SKAP2: variants seen among roughly 807,000 people sequenced by gnomAD.
SKAP2 encodes the protein src kinase associated phosphoprotein 2, also known as src kinase-associated phosphoprotein 2.
In SKAP2, 28 loss-of-function variants were observed where a neutral mutation model predicts 54.9. The observed-to-expected ratio is 0.51, with a 90% CI of 0.38 to 0.70. The LOEUF is 0.70. Among genes scored for constraint, SKAP2 ranks in the 30% least tolerant of loss-of-function variants. The pLI is 0.00. For missense variants in SKAP2, 356 were observed against 424.1 expected (o/e 0.84, Z 1.41); for synonymous variants, 137 against 134.3 (o/e 1.02, Z -0.14).
At chr7:26,706,455 T>G (rs1787157118) in intron 9 of SKAP2, among the ~76,000 whole-genome samples, 1 of 152,176 alleles carries the variant, frequency 6.6e-6, no homozygotes, top group Non-Finnish European at 1.5e-5. Flanking sequence ...GAGTAAAATC[T>G]ATATCCTACT....
chr7:26,860,801 T>TG (rs1427223035), intron 1 of SKAP2, among the ~76,000 whole-genome samples: 1 of 1,026 alleles, frequency 9.7e-4, no homozygotes, highest in Non-Finnish European at 2.1e-3. Flanking sequence ...AGGGGACTGA[T>TG]TACATACCCT....
At chr7:26,701,828 T>C (rs1333254446) in intron 9 of SKAP2, among the ~76,000 whole-genome samples, 1 of 152,198 alleles carries the variant, frequency 6.6e-6, no homozygotes, top group African/African-American at 2.4e-5. Context: ...CTTCTCTTTT[T>C]TTCCCTCATT....
intron 4 of SKAP2, among the ~76,000 whole-genome samples, chr7:26,792,102 A>G (rs894823865): frequency 3.3e-5 from 5 of 152,224 alleles, no homozygotes; most frequent in Non-Finnish European, 7.3e-5. Flanking sequence ...CTGGCTACAT[A>G]TTGTATAATA....
At chr7:26,740,481 G>C (rs144390224) in intron 4 of SKAP2, among the ~76,000 whole-genome samples, 1 of 152,222 alleles carries the variant, frequency 6.6e-6, no homozygotes, top group East Asian at 1.9e-4. Flanking sequence ...ACATTCCACT[G>C]AGTGAGTATG....
intron 9 of SKAP2, among the ~76,000 whole-genome samples, chr7:26,704,432 A>G (rs547539638): frequency 6.6e-6 from 1 of 152,352 alleles, no homozygotes; most frequent in African/African-American, 2.4e-5. Context: ...GTTTCTTACC[A>G]GATATGACTG....
At chr7:26,808,032 T>C (rs1784065403) in intron 4 of SKAP2, among the ~76,000 whole-genome samples, 1 of 152,226 alleles carries the variant, frequency 6.6e-6, no homozygotes, top group South Asian at 2.1e-4. Flanking sequence ...AATATTCATT[T>C]TATTGCAGTG....
intron 10 of SKAP2, among the ~76,000 whole-genome samples, chr7:26,687,639 TG>T (rs1334643885): frequency 6.6e-6 from 1 of 152,106 alleles, no homozygotes; most frequent in African/African-American, 2.4e-5. Context: ...GGAAGAGTCT[TG>T]TTCCTTAAAG....
chr7:26,685,159 C>T (rs769980417), intron 10 of SKAP2, among the ~76,000 whole-genome samples: 2 of 152,104 alleles, frequency 1.3e-5, no homozygotes, highest in Non-Finnish European at 2.9e-5. Context: ...TTTTAAATAA[C>T]AAACCTAAGC....
At chr7:26,808,657 G>GAAGGGAC (rs1366688878) in intron 4 of SKAP2, among the ~76,000 whole-genome samples, 1 of 152,018 alleles carries the variant, frequency 6.6e-6, no homozygotes, top group Non-Finnish European at 1.5e-5. Flanking sequence ...AAAAAAAAAG[G>GAAGGGAC]AAGGGACAAG....
At chr7:26,844,383 C>T (rs1026809068) in intron 3 of SKAP2, among the ~76,000 whole-genome samples, 4 of 151,892 alleles carry the variant, frequency 2.6e-5, no homozygotes, top group Admixed American at 2.0e-4. Flanking sequence ...TTATTTATGA[C>T]ACAAAAGGAT....
At chr7:26,770,353 G>A in intron 4 of SKAP2, among the ~76,000 whole-genome samples, 1 of 152,212 alleles carries the variant, frequency 6.6e-6, no homozygotes, top group South Asian at 2.1e-4. Flanking sequence ...TACACTGGCA[G>A]TGAGAATTTC....
chr7:26,726,840 C>A, intron 7 of SKAP2, 42 bp downstream of exon 7: 1 of 1,526,544 alleles, frequency 6.6e-7, no homozygotes, highest in Non-Finnish European at 8.9e-7. Context: ...GAAATCAAAA[C>A]ATTTTATCAA....
intron 4 of SKAP2, among the ~76,000 whole-genome samples, chr7:26,839,913 T>C (rs1025111250): frequency 6.6e-6 from 1 of 152,032 alleles, no homozygotes; most frequent in African/African-American, 2.4e-5. Context: ...TAAAGAAATC[T>C]GTTGGAAAAA....
intron 6 of SKAP2, among the ~76,000 whole-genome samples, chr7:26,730,322 G>A (rs757586401): frequency 6.6e-6 from 1 of 152,074 alleles, no homozygotes; most frequent in Non-Finnish European, 1.5e-5. Context: ...AATCAAATAG[G>A]AAATAAAGCT....
At chr7:26,794,455 A>G (rs897567821) in intron 4 of SKAP2, among the ~76,000 whole-genome samples, 1 of 152,238 alleles carries the variant, frequency 6.6e-6, no homozygotes, top group African/African-American at 2.4e-5. Context: ...GGCCCATCCC[A>G]TGGAACATGG....
intron 4 of SKAP2, among the ~76,000 whole-genome samples, chr7:26,782,475 TC>T (rs538595526): frequency 6.6e-6 from 1 of 151,842 alleles, no homozygotes; most frequent in East Asian, 1.9e-4. Context: ...TAAATATGTG[TC>T]CCCCCCAAAT....
At chr7:26,682,329 A>T (rs1260701102) in intron 11 of SKAP2, among the ~76,000 whole-genome samples, 1 of 152,200 alleles carries the variant, frequency 6.6e-6, no homozygotes. Flanking sequence ...CTTCAAAGAC[A>T]AACATATACT....
chr7:26,707,517 A>G (rs1200473390), intron 9 of SKAP2, among the ~76,000 whole-genome samples: 4 of 152,232 alleles, frequency 2.6e-5, no homozygotes, highest in African/African-American at 9.6e-5. Context: ...CTTATAATTA[A>G]GTCTTCACTG....
At chr7:26,707,048 A>G (rs1000068783) in intron 9 of SKAP2, among the ~76,000 whole-genome samples, 3 of 152,200 alleles carry the variant, frequency 2.0e-5, no homozygotes, top group Non-Finnish European at 2.9e-5. Flanking sequence ...TAAATTTAAC[A>G]AAAATTTCTT....
Sources: allele counts gnomAD v4.1 joint callset (sites outside exome capture counted in the v4.1 genomes callset), GRCh38; gene constraint gnomAD v4.1.1; transcripts MANE v1.5; gene names NCBI Gene and HGNC (gene_info 2026-07-23, HGNC 2026-07-21).